PRRC2B: variants seen among roughly 807,000 people sequenced by gnomAD.
PRRC2B encodes the protein proline rich coiled-coil 2B, also known as protein PRRC2B.
In PRRC2B, 68 loss-of-function variants were observed where a neutral mutation model predicts 242.3. The observed-to-expected ratio is 0.28, with a 90% CI of 0.23 to 0.34. The LOEUF (loss-of-function observed/expected upper bound fraction) is 0.34. Ranked by LOEUF, PRRC2B falls within the 10% of genes least tolerant of loss-of-function variation. The probability of loss-of-function intolerance (pLI) is 1.00; values close to 1 mark genes in which losing one functional copy is unlikely to be tolerated. For synonymous variants in PRRC2B, 1,228 were observed against 1,173.6 expected (o/e 1.05, Z -0.95); for missense variants, 2,835 against 2,954.8 (o/e 0.96, Z 0.94).
intron 3 of PRRC2B, among the ~76,000 whole-genome samples, chr9:131,433,835 A>T (rs1588247925): frequency 6.6e-6 from 1 of 152,350 alleles, no homozygotes; most frequent in South Asian, 2.1e-4. Flanking sequence ...TTCAGACAGG[A>T]TGTAGAGAGT....
At chr9:131,440,643 T>C (rs1201650618) in intron 5 of PRRC2B, among the ~76,000 whole-genome samples, 1 of 152,196 alleles carries the variant, frequency 6.6e-6, no homozygotes, top group Non-Finnish European at 1.5e-5. Context: ...TGCAACATTA[T>C]AATAGCAAAA....
At position 131,466,766 on chromosome 9, in the gene PRRC2B, A is replaced by T. The variant is rs548323599; in HGVS notation, c.1721-797A>T. On this transcript the variant is annotated intron_variant, in intron 12 of 31. Transcript: ENST00000683519. Reference sequence around the variant, plus strand: ...TCCCATATAGCTGGGATTACAGGCGAGCGCCACCATGCCTGGCTAATTTTT... The same window carrying T: ...TCCCATATAGCTGGGATTACAGGCGTGCGCCACCATGCCTGGCTAATTTTT... 8.6e-5 allele frequency among the ~76,000 whole-genome samples: 13 copies of T among 150,994 alleles called. No individual in the cohort carries two copies. In the East Asian group the frequency reaches 2.3e-3, roughly 27 times the overall value.
intron 1 of PRRC2B, among the ~76,000 whole-genome samples, chr9:131,398,733 C>T (rs1195425279): frequency 6.6e-6 from 1 of 152,132 alleles, no homozygotes; most frequent in African/African-American, 2.4e-5. Context: ...AATCCCAGTA[C>T]TTGGGGAGGC....
intron 23 of PRRC2B, among the ~76,000 whole-genome samples, chr9:131,484,201 T>C (rs1564300536): frequency 6.6e-6 from 1 of 152,192 alleles, no homozygotes; most frequent in Non-Finnish European, 1.5e-5. Context: ...ACCAGAGCCC[T>C]CTTTTTCAGT....
Position 131,430,195 on chromosome 9 carries a change from G to GT in PRRC2B, c.52dup (p.Tyr18LeufsTer8), listed in dbSNP as rs1359799222. 6.2e-7 allele frequency: 1 copy of GT among 1,608,474 alleles called. No homozygotes were observed. The highest frequency in any genetic ancestry group is 8.5e-7 in the Non-Finnish European group (1 of 1,177,584). On this transcript the variant is annotated frameshift_variant, in exon 2 of 32. Coordinates refer to ENST00000683519, the MANE Select transcript of PRRC2B (RefSeq NM_013318.4). LOFTEE classifies it high-confidence loss of function. ...CCAAGGGCAAGGATGGGAAAAGCAAGTACTCGACTCTCAGCCTGTTTGATA... is the reference window on the plus strand; with the variant it reads ...CCAAGGGCAAGGATGGGAAAAGCAAGTTACTCGACTCTCAGCCTGTTTGATA...
chr9:131,418,381 A>G (rs947760620), intron 1 of PRRC2B, among the ~76,000 whole-genome samples: 1 of 152,130 alleles, frequency 6.6e-6, no homozygotes, highest in Non-Finnish European at 1.5e-5. Flanking sequence ...GTTTACCTAG[A>G]GGTTAGGTGG....
chr9:131,390,187 A>C (rs540030848), upstream of PRRC2B, among the ~76,000 whole-genome samples: 6 of 150,296 alleles, frequency 4.0e-5, no homozygotes, highest in East Asian at 1.0e-3. Context: ...TGCTGGGATT[A>C]CAGGCGTGAG....
At chr9:131,405,080 G>A (rs1267272148) in intron 1 of PRRC2B, among the ~76,000 whole-genome samples, 7 of 152,108 alleles carry the variant, frequency 4.6e-5, no homozygotes, top group African/African-American at 1.7e-4. Context: ...GATTGTTTTG[G>A]GTGTGCACAT....
chr9:131,476,685 A>G (rs1943711446), intron 16 of PRRC2B, 150 bp downstream of exon 16: 2 of 650,428 alleles, frequency 3.1e-6, no homozygotes, highest in Admixed American at 6.1e-5. Flanking sequence ...CTGCCCCCAC[A>G]TTGCCTGTCT....
chr9:131,388,483 G>A (rs944286960), intron 1 of PRRC2B, among the ~76,000 whole-genome samples: 1 of 149,320 alleles, frequency 6.7e-6, no homozygotes. Flanking sequence ...CAGGTGATCC[G>A]CGCACCTCGG....
intron 9 of PRRC2B, among the ~76,000 whole-genome samples, 165 bp from the exon 10 acceptor site, chr9:131,454,910 AG>A (rs1443978881): frequency 1.3e-4 from 19 of 143,176 alleles, no homozygotes; most frequent in African/African-American, 3.1e-4. Context: ...CTGGGATTAC[AG>A]GCATGAGCCA....
chr9:131,486,059 C>T (rs1362178897), intron 25 of PRRC2B, 26 bp from the exon 26 acceptor site: 6 of 1,475,180 alleles, frequency 4.1e-6, no homozygotes, highest in East Asian at 4.6e-5. Context: ...TCCTCTTCTA[C>T]GTCCCTTTTG....
Position 131,475,597 on chromosome 9 carries a change from G to T in PRRC2B, c.3468G>T (p.Gly1156=). The change falls in exon 16 of 32, where the codon GGG becomes GGT. Residue 1156 remains glycine, a synonymous_variant. Coordinates refer to ENST00000683519, the MANE Select transcript of PRRC2B (RefSeq NM_013318.4). ...GCCGGCAGAGGGGCTCCGAGAACGGGAATGAAGGCTCGCTCCTGGAGAGGG... is the reference window on the plus strand; with the variant it reads ...GCCGGCAGAGGGGCTCCGAGAACGGTAATGAAGGCTCGCTCCTGGAGAGGG... The part of the protein sequence containing the change: ...KRRRQRGSEN[G]NEGSLLEREE... 6.2e-7 allele frequency: 1 copy of T among 1,612,866 alleles called. No homozygotes were observed. Among genetic ancestry groups the T allele is most frequent in the South Asian group, 1.1e-5 (1 of 91,042 alleles).
Position 131,479,294 on chromosome 9 carries a change from C to T in PRRC2B, c.4801C>T (p.Arg1601Ter). 6.2e-7 allele frequency: 1 copy of T among 1,613,820 alleles called. No homozygotes were observed. Among genetic ancestry groups the T allele is most frequent in the Non-Finnish European group, 8.5e-7 (1 of 1,179,828 alleles). ...GRGLSSRIPPRFAKKQNNLCL... is the reference protein window; with the variant it reads ...GRGLSSRIPP ...AGGCCTTTCCTCCCGTATTCCTCCT[C>T]GATTTGCAAAAAAGCAGAACAACTT... Residue 1601 changes from arginine to a stop codon, truncating the protein, a stop_gained, in exon 19 of 32, where the codon CGA becomes TGA. Transcript: ENST00000683519. LOFTEE classifies it high-confidence loss of function.
intron 20 of PRRC2B, among the ~76,000 whole-genome samples, 165 bp downstream of exon 20, chr9:131,481,973 C>A (rs1943883944): frequency 6.6e-6 from 1 of 152,206 alleles, no homozygotes; most frequent in African/African-American, 2.4e-5. Context: ...GGTTTTCCAT[C>A]TTGATTTCTG....
At chr9:131,483,011 G>A (rs1564299981) in intron 22 of PRRC2B, 104 bp downstream of exon 22, 1 of 1,342,070 alleles carries the variant, frequency 7.5e-7, no homozygotes, top group South Asian at 1.3e-5. Context: ...GGAATAGAAG[G>A]ATGGGAGCCA....
intron 6 of PRRC2B, among the ~76,000 whole-genome samples, chr9:131,445,186 G>GT (rs1212089621): frequency 5.9e-5 from 9 of 151,536 alleles, no homozygotes; most frequent in African/African-American, 1.7e-4. Flanking sequence ...TTGAGATGGA[G>GT]TTTCGCTCTT....
At chr9:131,396,205 G>C (rs1005597964) in intron 1 of PRRC2B, among the ~76,000 whole-genome samples, 1 of 151,950 alleles carries the variant, frequency 6.6e-6, no homozygotes, top group Non-Finnish European at 1.5e-5. Context: ...GTATGTGTTT[G>C]TTGATTATCT....
At chr9:131,411,402 A>G (rs1243767596) in intron 1 of PRRC2B, among the ~76,000 whole-genome samples, 1 of 144,400 alleles carries the variant, frequency 6.9e-6, no homozygotes, top group Non-Finnish European at 1.5e-5. Flanking sequence ...GCTGGAGTGC[A>G]GTGGCGCAAT....
Sources: allele counts gnomAD v4.1 joint callset (sites outside exome capture counted in the v4.1 genomes callset), GRCh38; gene constraint gnomAD v4.1.1; transcripts MANE v1.5; gene names NCBI Gene and HGNC (gene_info 2026-07-23, HGNC 2026-07-21).